The following PIK3C2G variants were observed in gnomAD, a reference collection of about 807,000 sequenced individuals.
PIK3C2G encodes the protein phosphatidylinositol-4-phosphate 3-kinase catalytic subunit type 2 gamma.
Under a neutral mutation model 181.1 loss-of-function variants are expected in PIK3C2G, and 168 were observed. The ratio of observed to expected loss-of-function variants is 0.93; its 90% CI spans 0.82 to 1.05. The LOEUF (loss-of-function observed/expected upper bound fraction) is 1.05. Ranked by LOEUF, PIK3C2G falls within the 50% of genes least tolerant of loss-of-function variation. The probability of loss-of-function intolerance (pLI) is 0.00; values close to 1 mark genes in which losing one functional copy is unlikely to be tolerated. For missense variants in PIK3C2G, 1,869 were observed against 1,732.8 expected, an observed-to-expected ratio of 1.08 and a Z score of -1.40; for synonymous variants, 573 against 592.2, an observed-to-expected ratio of 0.97 and a Z score of 0.47.
chr12:18,445,339 T>C (rs1190448456), intron 18 of PIK3C2G, among the ~76,000 whole-genome samples: 1 of 152,070 alleles, frequency 6.6e-6, no homozygotes, highest in Non-Finnish European at 1.5e-5. Context: ...CTGTGTATGG[T>C]TCTTAAACAC....
intron 20 of PIK3C2G, among the ~76,000 whole-genome samples, chr12:18,492,127 A>G (rs1044587467): frequency 2.0e-5 from 3 of 152,160 alleles, no homozygotes; most frequent in Non-Finnish European, 4.4e-5. Context: ...GTACCTCTTC[A>G]GTCACACTTC....
intron 18 of PIK3C2G, among the ~76,000 whole-genome samples, chr12:18,462,410 C>T (rs1947968252): frequency 6.6e-6 from 1 of 152,092 alleles, no homozygotes; most frequent in Non-Finnish European, 1.5e-5. Flanking sequence ...TGTGGTTTTC[C>T]CTTAAGGGTA....
intron 16 of PIK3C2G, among the ~76,000 whole-genome samples, chr12:18,410,647 A>G (rs1310568747): frequency 6.6e-6 from 1 of 152,186 alleles, no homozygotes; most frequent in Non-Finnish European, 1.5e-5. Flanking sequence ...AATCATCCAC[A>G]GAAGGATGTG....
At chr12:18,293,809 TA>T in intron 4 of PIK3C2G, 91 bp from the exon 5 acceptor site, 1 of 678,340 alleles carries the variant, frequency 1.5e-6, no homozygotes, top group East Asian at 2.7e-5. Flanking sequence ...CAATCCTTCA[TA>T]ATGTGTTGGT....
intron 18 of PIK3C2G, among the ~76,000 whole-genome samples, chr12:18,440,273 A>T (rs1946670541): frequency 6.6e-6 from 1 of 152,178 alleles, no homozygotes; most frequent in Non-Finnish European, 1.5e-5. Flanking sequence ...CAAAAAAAAA[A>T]TATTTATTGA....
At chr12:18,558,444 T>C (rs1942754676) in intron 26 of PIK3C2G, among the ~76,000 whole-genome samples, 1 of 152,218 alleles carries the variant, frequency 6.6e-6, no homozygotes, top group Non-Finnish European at 1.5e-5. Flanking sequence ...AATATATTAT[T>C]AAGTTAACAA....
intron 11 of PIK3C2G, among the ~76,000 whole-genome samples, chr12:18,348,888 TG>T (rs1200091868): frequency 1.3e-5 from 2 of 152,164 alleles, no homozygotes; most frequent in Admixed American, 1.3e-4. Context: ...GTCAAACTGT[TG>T]ACTGAGACCA....
upstream of PIK3C2G, among the ~76,000 whole-genome samples, chr12:18,261,261 C>T (rs905459434): frequency 2.0e-5 from 3 of 152,038 alleles, no homozygotes; most frequent in Non-Finnish European, 4.4e-5. Flanking sequence ...AATATATTTT[C>T]GTTTGTATAT....
the PIK3C2G span, among the ~76,000 whole-genome samples, chr12:18,658,427 A>T: frequency 6.6e-6 from 1 of 152,156 alleles, no homozygotes; most frequent in Non-Finnish European, 1.5e-5. Context: ...AAAGAATCGT[A>T]AAAGCAGCAG....
chr12:18,642,137 C>T (rs943513658), intron 32 of PIK3C2G, among the ~76,000 whole-genome samples: 4 of 152,186 alleles, frequency 2.6e-5, no homozygotes, highest in Non-Finnish European at 5.9e-5. Flanking sequence ...TTCATTCTTT[C>T]TTTTATAGAT....
At chr12:18,309,079 C>G (rs1292264822) in intron 5 of PIK3C2G, among the ~76,000 whole-genome samples, 1 of 151,580 alleles carries the variant, frequency 6.6e-6, no homozygotes, top group Non-Finnish European at 1.5e-5. Flanking sequence ...TTCTTTGATA[C>G]TACACCAAAA....
At chr12:18,574,521 C>A (rs1353211136) in intron 29 of PIK3C2G, among the ~76,000 whole-genome samples, 1 of 152,240 alleles carries the variant, frequency 6.6e-6, no homozygotes, top group East Asian at 1.9e-4. Flanking sequence ...ATACTAAAAA[C>A]CCCCTCCTTT....
intron 1 of PIK3C2G, among the ~76,000 whole-genome samples, chr12:18,255,440 A>C (rs1179897140): frequency 6.6e-6 from 1 of 152,120 alleles, no homozygotes; most frequent in Non-Finnish European, 1.5e-5. Context: ...AAACAAGACA[A>C]AATTTCTCTC....
chr12:18,594,086 T>C (rs1300703533), intron 29 of PIK3C2G, among the ~76,000 whole-genome samples: 1 of 151,950 alleles, frequency 6.6e-6, no homozygotes, highest in Non-Finnish European at 1.5e-5. Flanking sequence ...CCTTGAGTAG[T>C]AGTGGTTACT....
chr12:18,508,610 T>A (rs1489799138), intron 24 of PIK3C2G, among the ~76,000 whole-genome samples: 1 of 152,178 alleles, frequency 6.6e-6, no homozygotes, highest in Non-Finnish European at 1.5e-5. Flanking sequence ...CTAGTTTCTG[T>A]ACACATACTC....
chr12:18,462,479 C>T (rs550582877), intron 18 of PIK3C2G, among the ~76,000 whole-genome samples: 2 of 152,242 alleles, frequency 1.3e-5, no homozygotes, highest in South Asian at 4.1e-4. Context: ...GTAAGCAGTC[C>T]ATTTCTCTCT....
At chr12:18,564,903 C>T (rs1329606387) in intron 28 of PIK3C2G, among the ~76,000 whole-genome samples, 1 of 152,116 alleles carries the variant, frequency 6.6e-6, no homozygotes, top group Non-Finnish European at 1.5e-5. Context: ...TGTACCTCAC[C>T]AATACATATC....
the PIK3C2G span, among the ~76,000 whole-genome samples, chr12:18,687,059 T>C: frequency 6.6e-6 from 1 of 152,076 alleles, no homozygotes; most frequent in Non-Finnish European, 1.5e-5. Flanking sequence ...TTACTATCTC[T>C]GGACACAGCC....
At chr12:18,641,582 C>T (rs1273031860) in intron 32 of PIK3C2G, among the ~76,000 whole-genome samples, 3 of 151,974 alleles carry the variant, frequency 2.0e-5, no homozygotes, top group Non-Finnish European at 4.4e-5. Context: ...TATTCTTTCT[C>T]TTAAAATATT....
Sources: allele counts gnomAD v4.1 joint callset (sites outside exome capture counted in the v4.1 genomes callset), GRCh38; gene constraint gnomAD v4.1.1; transcripts MANE v1.5; gene names NCBI Gene and HGNC (gene_info 2026-07-23, HGNC 2026-07-21).